The following SAXO1 variants were observed in gnomAD, a reference collection of about 807,000 sequenced individuals.
SAXO1 encodes the protein 4930500O09Rik.
SAXO1 carries 21 observed loss-of-function variants against 17.5 expected under a neutral mutation model. That is an observed-to-expected ratio of 1.20 (90% CI 0.85 to 1.72). The LOEUF is 1.72. Among genes scored for constraint, SAXO1 ranks in the 40% most tolerant of loss-of-function variants. SAXO1 has a pLI of 0.00. For missense variants in SAXO1, 843 were observed against 596.0 expected (o/e 1.41, Z -4.32); for synonymous variants, 274 against 216.5 (o/e 1.27, Z -2.33).
chr9:19,005,581 G>C (rs959994188), intron 1 of SAXO1, among the ~76,000 whole-genome samples: 1 of 152,176 alleles, frequency 6.6e-6, no homozygotes, highest in Non-Finnish European at 1.5e-5. Flanking sequence ...TCCACACACA[G>C]AAGAATGAAG....
intron 1 of SAXO1, among the ~76,000 whole-genome samples, chr9:19,032,031 C>T (rs1441040109): frequency 6.6e-6 from 1 of 152,172 alleles, no homozygotes; most frequent in Admixed American, 6.5e-5. Flanking sequence ...TACAATAGTC[C>T]TATGAGGTAC....
intron 1 of SAXO1, among the ~76,000 whole-genome samples, chr9:18,960,110 C>A (rs7024789): frequency 2.0e-5 from 3 of 152,060 alleles, no homozygotes; most frequent in African/African-American, 7.3e-5. Flanking sequence ...TGGGCTCTTC[C>A]GGCCCCTCCC....
chr9:19,027,380 G>A (rs960703290), intron 1 of SAXO1: 3 of 768,974 alleles, frequency 3.9e-6, no homozygotes, highest in African/African-American at 3.4e-5. Context: ...GTGGATGAGA[G>A]ACCCACGGAG....
intron 1 of SAXO1, among the ~76,000 whole-genome samples, chr9:18,980,137 G>C (rs73645555): frequency 0.026 from 4,006 of 152,202 alleles, 169 homozygotes; most frequent in African/African-American, 0.089. Flanking sequence ...TAACAAATTA[G>C]AATAATTAAA....
chr9:18,954,552 G>T (rs528854773), intron 1 of SAXO1, among the ~76,000 whole-genome samples: 1 of 152,070 alleles, frequency 6.6e-6, no homozygotes, highest in African/African-American at 2.4e-5. Context: ...TCCCAAGCTG[G>T]TATCGAACTC....
chr9:19,005,343 C>T (rs554431502), intron 1 of SAXO1, among the ~76,000 whole-genome samples: 1 of 151,948 alleles, frequency 6.6e-6, no homozygotes, highest in African/African-American at 2.4e-5. Flanking sequence ...AAAAAAATGA[C>T]CAAGTATAAA....
chr9:18,945,753 A>G (rs1831764613), intron 2 of SAXO1, among the ~76,000 whole-genome samples: 1 of 152,200 alleles, frequency 6.6e-6, no homozygotes, highest in African/African-American at 2.4e-5. Flanking sequence ...ACCACTTCAT[A>G]TAAACCCTAG....
rs183388716 is a variant in SAXO1, at chr9:18,941,936, C to T, written c.219-97G>A. The T allele has an allele frequency of 3.2e-5, 37 of 1,152,656 alleles. No homozygotes were observed. In the Admixed American group the frequency reaches 4.5e-4, roughly 14 times the overall value. 71.4% of individuals were successfully genotyped at this position (1,152,656 alleles called of 1,614,324 possible). ...ACTCTACAAACATTTGCTGAGAAGTCCTGTTCTACTCTACCTGCCTTCCCT... is the reference window on the plus strand; with the variant it reads ...ACTCTACAAACATTTGCTGAGAAGTTCTGTTCTACTCTACCTGCCTTCCCT... On this transcript the variant is annotated intron_variant, in intron 2 of 3. Transcript: ENST00000380534.
chr9:18,985,776 C>T (rs1273853739), intron 1 of SAXO1, among the ~76,000 whole-genome samples: 1 of 152,220 alleles, frequency 6.6e-6, no homozygotes, highest in Non-Finnish European at 1.5e-5. Flanking sequence ...AATTTTGATA[C>T]ATTCCTTAGC....
At chr9:19,027,840 A>G (rs1835565331) in intron 1 of SAXO1, 2 of 1,422,212 alleles carry the variant, frequency 1.4e-6, no homozygotes, top group Admixed American at 1.9e-5. Flanking sequence ...AACCGGGTGG[A>G]CATCCTGGAC....
chr9:18,974,710 T>C (rs1480873083), intron 1 of SAXO1, among the ~76,000 whole-genome samples: 1 of 152,160 alleles, frequency 6.6e-6, no homozygotes, highest in Non-Finnish European at 1.5e-5. Context: ...GATATATATA[T>C]ACATGTATAA....
chr9:19,048,541 C>T (rs1836275566), intron 1 of SAXO1, among the ~76,000 whole-genome samples: 1 of 152,192 alleles, frequency 6.6e-6, no homozygotes, highest in Non-Finnish European at 1.5e-5. Context: ...ACGATACTGG[C>T]GACACTGATT....
At chr9:18,983,572 C>G (rs564658645) in intron 1 of SAXO1, among the ~76,000 whole-genome samples, 1 of 152,328 alleles carries the variant, frequency 6.6e-6, no homozygotes, top group African/African-American at 2.4e-5. Flanking sequence ...CCACTCTTTG[C>G]TCATCCATAA....
Position 19,032,354 on chromosome 9 carries a change from C to T in SAXO1, c.38+517G>A, listed in dbSNP as rs957005395. 2.0e-5 allele frequency among the ~76,000 whole-genome samples: 3 copies of T among 152,340 alleles called. No homozygotes were observed. In the South Asian group the frequency reaches 6.2e-4, roughly 32 times the overall value. ...TGGTCCTTAAAGGTTAGAAGGGAGA[C>T]CTGGCAGGCCAGGCGACTGTGAAAG... On this transcript the variant is annotated intron_variant, in intron 1 of 3. Transcript: ENST00000380534.
At position 19,033,026 on chromosome 9, in the gene SAXO1, GT is replaced by G; in HGVS notation, c.-119del. 2 of 1,096,322 alleles carry G rather than the reference GT, an allele frequency of 1.8e-6. No individual in the cohort carries two copies. Among genetic ancestry groups the G allele is most frequent in the Non-Finnish European group, 2.5e-6 (2 of 802,478 alleles). The allele number at this position is 1,096,322 out of a possible 1,614,324, so 67.9% of individuals were successfully genotyped here. ...GCTCGAGGGTCTTGGCAGGTGTTCT[GT>G]TTACTCGAAGGAAAATTTAAGTGGC... On this transcript the variant is annotated 5_prime_UTR_variant, in exon 1 of 4. Transcript: ENST00000380534.
At chr9:19,002,437 A>AC (rs1667789014) in intron 1 of SAXO1, among the ~76,000 whole-genome samples, 1 of 152,228 alleles carries the variant, frequency 6.6e-6, no homozygotes, top group African/African-American at 2.4e-5. Flanking sequence ...CAGAGACACA[A>AC]CAAAAAAAGA....
At chr9:18,943,032 G>C (rs906121037) in intron 2 of SAXO1, among the ~76,000 whole-genome samples, 1 of 152,232 alleles carries the variant, frequency 6.6e-6, no homozygotes, top group African/African-American at 2.4e-5. Flanking sequence ...CCAAAATCTG[G>C]AGCAGCATTA....
At chr9:18,957,707 TA>T (rs1243713128) in intron 1 of SAXO1, among the ~76,000 whole-genome samples, 3 of 152,134 alleles carry the variant, frequency 2.0e-5, no homozygotes, top group Non-Finnish European at 4.4e-5. Flanking sequence ...GTGCCTGGAA[TA>T]GCGAAAACTC....
chr9:18,954,534 A>C (rs1182362770), intron 1 of SAXO1, among the ~76,000 whole-genome samples: 7 of 152,030 alleles, frequency 4.6e-5, no homozygotes, highest in Admixed American at 2.0e-4. Context: ...ATAGGGTTTC[A>C]CCATGCTTCC....
Sources: gnomAD v4.1 joint callset for allele counts (sites outside exome capture counted in the v4.1 genomes callset) on GRCh38, gnomAD v4.1.1 for gene constraint, MANE v1.5 for transcripts, NCBI Gene and HGNC (gene_info 2026-07-23, HGNC 2026-07-21) for gene names.